HS3ST2: variants seen among roughly 807,000 people sequenced by gnomAD.
The protein encoded by HS3ST2 is heparan sulfate glucosamine 3-O-sulfotransferase 2.
A neutral mutation model predicts 26.3 loss-of-function variants in HS3ST2; 17 were observed. The ratio of observed to expected loss-of-function variants is 0.65; its 90% CI spans 0.44 to 0.97. HS3ST2 has a LOEUF of 0.97. Ranked by LOEUF, HS3ST2 falls within the 50% of genes least tolerant of loss-of-function variation. HS3ST2 has a pLI of 0.00. For missense variants in HS3ST2, 402 were observed against 501.2 expected (o/e 0.80, Z 1.89); for synonymous variants, 237 against 219.2 (o/e 1.08, Z -0.72).
At chr16:22,908,292 AG>A (rs1222570413) in intron 1 of HS3ST2, among the ~76,000 whole-genome samples, 32 of 152,112 alleles carry the variant, frequency 2.1e-4, no homozygotes, top group Admixed American at 2.1e-3. Flanking sequence ...ATACCGATAA[AG>A]ATCTTACTTG....
chr16:22,905,624 G>A (rs115655137), intron 1 of HS3ST2, among the ~76,000 whole-genome samples: 2 of 151,966 alleles, frequency 1.3e-5, no homozygotes, highest in Admixed American at 6.6e-5. Flanking sequence ...TTTTCTGAAC[G>A]CTTACTAAGT....
intron 1 of HS3ST2, among the ~76,000 whole-genome samples, chr16:22,817,489 G>A (rs1194552849): frequency 2.0e-5 from 3 of 152,190 alleles, no homozygotes; most frequent in Admixed American, 6.5e-5. Flanking sequence ...TGTATGTAAA[G>A]AACATTTTTG....
chr16:22,856,620 G>A (rs1027250246), intron 1 of HS3ST2, among the ~76,000 whole-genome samples: 1 of 152,118 alleles, frequency 6.6e-6, no homozygotes, highest in African/African-American at 2.4e-5. Flanking sequence ...GAGCATTTCT[G>A]ATGGGAAAGA....
intron 1 of HS3ST2, among the ~76,000 whole-genome samples, chr16:22,852,727 C>T (rs1378716962): frequency 9.9e-5 from 15 of 152,166 alleles, no homozygotes; most frequent in Non-Finnish European, 1.9e-4. Context: ...AAAGCTCAGC[C>T]ATTTCTCTCA....
intron 1 of HS3ST2, among the ~76,000 whole-genome samples, chr16:22,844,298 G>A (rs1209642998): frequency 1.3e-5 from 2 of 152,044 alleles, no homozygotes; most frequent in African/African-American, 4.8e-5. Flanking sequence ...ACAAGCTCAG[G>A]GTTTCAATTT....
At chr16:22,874,225 G>A (rs140359225) in intron 1 of HS3ST2, among the ~76,000 whole-genome samples, 67 of 152,264 alleles carry the variant, frequency 4.4e-4, no homozygotes, top group East Asian at 2.5e-3. Context: ...TCAACTGAGC[G>A]TTAGGATTTC....
rs989192794 is a variant in HS3ST2 at position 22,814,171 on chromosome 16, C to G, written c.-440C>G. ...GCAGCGCGCTCCGCTCGGCATTTCC[C>G]GAAGAGCCAGATCGCGGCCGGCGCC... On this transcript the variant is annotated 5_prime_UTR_variant, in exon 1 of 2. Transcript: ENST00000261374. 1 of 161,718 alleles carries G rather than the reference C, an allele frequency of 6.2e-6. No homozygotes were observed. Among genetic ancestry groups the G allele is most frequent in the Admixed American group, 6.5e-5 (1 of 15,494 alleles). 10.0% of individuals were successfully genotyped at this position (161,718 alleles called of 1,614,324 possible).
chr16:22,823,506 A>G (rs1901032137), intron 1 of HS3ST2, among the ~76,000 whole-genome samples: 1 of 152,108 alleles, frequency 6.6e-6, no homozygotes, highest in Non-Finnish European at 1.5e-5. Context: ...AGTAAATCCA[A>G]TGATGGGCTG....
intron 1 of HS3ST2, among the ~76,000 whole-genome samples, chr16:22,870,721 CCAGCT>C (rs1400749756): frequency 2.6e-5 from 4 of 152,084 alleles, no homozygotes; most frequent in Non-Finnish European, 5.9e-5. Context: ...AGCCTCATGC[CCAGCT>C]CCTTCACCCC....
At chr16:22,879,386 TG>T (rs1567495006) in intron 1 of HS3ST2, among the ~76,000 whole-genome samples, 1 of 152,222 alleles carries the variant, frequency 6.6e-6, no homozygotes, top group Non-Finnish European at 1.5e-5. Flanking sequence ...GAACTGTTAC[TG>T]GGCTCTCCAG....
At chr16:22,838,279 C>T (rs1418876829) in intron 1 of HS3ST2, among the ~76,000 whole-genome samples, 3 of 152,062 alleles carry the variant, frequency 2.0e-5, no homozygotes, top group African/African-American at 4.8e-5. Context: ...TACAATTCCA[C>T]GACCCAGGAT....
intron 1 of HS3ST2, among the ~76,000 whole-genome samples, chr16:22,816,950 C>G (rs1272894983): frequency 6.6e-6 from 1 of 152,152 alleles, no homozygotes; most frequent in Non-Finnish European, 1.5e-5. Flanking sequence ...AGACTCTCCT[C>G]CCTCCCCTCT....
chr16:22,837,461 C>G (rs533742270), intron 1 of HS3ST2, among the ~76,000 whole-genome samples: 29 of 147,632 alleles, frequency 2.0e-4, no homozygotes, highest in Admixed American at 1.8e-3. Context: ...ATACCAAACC[C>G]TATATATAAT....
intron 1 of HS3ST2, among the ~76,000 whole-genome samples, chr16:22,871,183 C>G (rs1596621025): frequency 6.6e-6 from 1 of 152,068 alleles, no homozygotes; most frequent in Non-Finnish European, 1.5e-5. Context: ...TGGTGAAACC[C>G]CGTCTCTACT....
At chr16:22,855,300 G>T (rs1901573940) in intron 1 of HS3ST2, among the ~76,000 whole-genome samples, 1 of 152,238 alleles carries the variant, frequency 6.6e-6, no homozygotes, top group Non-Finnish European at 1.5e-5. Context: ...TTGAGCTGGG[G>T]GTTTTTGCAA....
chr16:22,880,284 T>G (rs1040745323), intron 1 of HS3ST2, among the ~76,000 whole-genome samples: 3 of 152,062 alleles, frequency 2.0e-5, no homozygotes, highest in African/African-American at 7.2e-5. Flanking sequence ...CTGGGTGTGG[T>G]GGCACACCTG....
intron 1 of HS3ST2, among the ~76,000 whole-genome samples, chr16:22,825,896 G>A (rs762794882): frequency 7.2e-5 from 11 of 152,108 alleles, no homozygotes; most frequent in South Asian, 2.1e-4. Flanking sequence ...GGTGGCGTGC[G>A]CCTGTATTCC....
Position 22,915,319 on chromosome 16 carries a change from A to G in HS3ST2, c.861A>G (p.Arg287=). The change falls in exon 2 of 2, where the codon CGA becomes CGG. Residue 287 remains arginine (R), a synonymous_variant. Coordinates refer to ENST00000261374, the MANE Select transcript of HS3ST2 (RefSeq NM_006043.2). The part of the protein sequence containing the change: ...LITDPAGEMG[R]VQDFLGIKRF... ...CTGACCCGGCCGGCGAGATGGGGCGAGTCCAGGACTTCCTGGGCATTAAGA... is the reference window on the plus strand; with the variant it reads ...CTGACCCGGCCGGCGAGATGGGGCGGGTCCAGGACTTCCTGGGCATTAAGA... 6.2e-7 allele frequency: 1 copy of G among 1,614,100 alleles called. No individual in the cohort carries two copies. Among genetic ancestry groups the G allele is most frequent in the Non-Finnish European group, 8.5e-7 (1 of 1,180,014 alleles).
chr16:22,881,686 G>T (rs1028918737), intron 1 of HS3ST2, among the ~76,000 whole-genome samples: 1 of 152,168 alleles, frequency 6.6e-6, no homozygotes, highest in African/African-American at 2.4e-5. Flanking sequence ...GCCTTGGAAA[G>T]CTGGAGAAGA....
Sources: gnomAD v4.1 joint callset for allele counts (sites outside exome capture counted in the v4.1 genomes callset) on GRCh38, gnomAD v4.1.1 for gene constraint, MANE v1.5 for transcripts, NCBI Gene and HGNC (gene_info 2026-07-23, HGNC 2026-07-21) for gene names.